Variants in CSGALNACT1 observed in about 807,000 individuals in gnomAD.
The protein encoded by CSGALNACT1 is beta4GalNAcT-1.
Under a neutral mutation model 51.0 loss-of-function variants are expected in CSGALNACT1, and 52 were observed. The observed-to-expected ratio is 1.02, with a 90% confidence interval of 0.82 to 1.29. The LOEUF is 1.29. Ranked by LOEUF, CSGALNACT1 falls within the 50% of genes most tolerant of loss-of-function variation. CSGALNACT1 has a pLI of 0.00. For missense variants in CSGALNACT1, 935 were observed against 679.2 expected (o/e 1.38, Z -4.19); for synonymous variants, 341 against 254.4 (o/e 1.34, Z -3.24).
intron 3 of CSGALNACT1, among the ~76,000 whole-genome samples, chr8:19,548,084 T>C (rs1179550101): frequency 3.3e-5 from 5 of 152,226 alleles, no homozygotes; most frequent in East Asian, 1.9e-4. Context: ...TAGACTATTA[T>C]TGGATTAAGT....
intron 3 of CSGALNACT1, among the ~76,000 whole-genome samples, chr8:19,544,997 T>A (rs1480109486): frequency 6.8e-6 from 1 of 147,556 alleles, no homozygotes; most frequent in African/African-American, 2.5e-5. Flanking sequence ...GTCCATCCTT[T>A]CAGACATTTT....
Position 19,660,031 on chromosome 8 carries a change from C to G in CSGALNACT1, c.-544+22442G>C, listed in dbSNP as rs79633327. 3.3e-3 allele frequency among the ~76,000 whole-genome samples: 509 copies of G among 152,344 alleles called. 6 individuals carry two copies. Among genetic ancestry groups the G allele is most frequent in the Middle Eastern group, 0.014 (4 of 294 alleles). On this transcript the variant is annotated intron_variant, in intron 1 of 9. Transcript: ENST00000332246. ...AAGGTAGTACTATTATTGTCCCAGT[C>G]TTATAGATGGGGAAACTGACGCACG...
intron 3 of CSGALNACT1, among the ~76,000 whole-genome samples, chr8:19,542,500 C>A (rs1317111009): frequency 6.6e-6 from 1 of 152,166 alleles, no homozygotes; most frequent in Non-Finnish European, 1.5e-5. Flanking sequence ...CTTTCCTGCA[C>A]AAGCGCCTGC....
intron 6 of CSGALNACT1, among the ~76,000 whole-genome samples, chr8:19,428,120 G>C (rs1173918997): frequency 6.6e-6 from 1 of 152,144 alleles, no homozygotes; most frequent in African/African-American, 2.4e-5. Context: ...GCTCTGTAAA[G>C]TCTGGATGGA....
intron 1 of CSGALNACT1, among the ~76,000 whole-genome samples, chr8:19,740,882 G>T (rs1389747513): frequency 6.6e-6 from 1 of 152,104 alleles, no homozygotes. Flanking sequence ...AGTTAAAATG[G>T]ATGCACATGT....
intron 3 of CSGALNACT1, among the ~76,000 whole-genome samples, chr8:19,574,786 C>A: frequency 6.6e-6 from 1 of 152,106 alleles, no homozygotes; most frequent in African/African-American, 2.4e-5. Flanking sequence ...AATCCCAACA[C>A]TTTGGGAGGC....
intron 1 of CSGALNACT1, among the ~76,000 whole-genome samples, chr8:19,723,207 C>T (rs1459938836): frequency 6.6e-6 from 1 of 152,196 alleles, no homozygotes; most frequent in Non-Finnish European, 1.5e-5. Context: ...TCTTATTTCC[C>T]TTATTTTCAA....
chr8:19,748,736 G>T (rs574968317), intron 1 of CSGALNACT1, among the ~76,000 whole-genome samples: 2 of 152,148 alleles, frequency 1.3e-5, no homozygotes, highest in Non-Finnish European at 2.9e-5. Flanking sequence ...AGATCAAGGA[G>T]GGTGGATCAC....
intron 3 of CSGALNACT1, among the ~76,000 whole-genome samples, chr8:19,522,546 T>G (rs2080933672): frequency 1.3e-5 from 2 of 152,204 alleles, no homozygotes; most frequent in South Asian, 4.1e-4. Context: ...CCCAGTGTCC[T>G]GGCACAGTGG....
intron 1 of CSGALNACT1, among the ~76,000 whole-genome samples, chr8:19,663,576 C>T (rs955037496): frequency 6.6e-6 from 1 of 152,160 alleles, no homozygotes; most frequent in African/African-American, 2.4e-5. Flanking sequence ...GAGCTGACAG[C>T]CTGGGTACAG....
At chr8:19,700,171 G>T (rs1191493831) in intron 1 of CSGALNACT1, among the ~76,000 whole-genome samples, 5 of 148,656 alleles carry the variant, frequency 3.4e-5, no homozygotes, top group East Asian at 2.0e-4. Context: ...TTTAAAATAA[G>T]AAATAAGGCA....
intron 4 of CSGALNACT1, among the ~76,000 whole-genome samples, chr8:19,503,334 A>G (rs1371635330): frequency 1.3e-5 from 2 of 152,210 alleles, no homozygotes; most frequent in Non-Finnish European, 1.5e-5. Context: ...CAAGCCTCAG[A>G]GCAAATATAC....
intron 1 of CSGALNACT1, among the ~76,000 whole-genome samples, chr8:19,704,956 T>A (rs969769402): frequency 1.3e-5 from 2 of 152,138 alleles, no homozygotes; most frequent in Non-Finnish European, 2.9e-5. Flanking sequence ...ATGGGGAGAT[T>A]TTGCTTAAAT....
chr8:19,574,416 C>G (rs1364527808), intron 3 of CSGALNACT1, among the ~76,000 whole-genome samples: 1 of 152,218 alleles, frequency 6.6e-6, no homozygotes, highest in South Asian at 2.1e-4. Context: ...TTCCTCCATG[C>G]AGCCCAGTTT....
intron 5 of CSGALNACT1, among the ~76,000 whole-genome samples, chr8:19,453,969 A>G (rs2063633019): frequency 6.6e-6 from 1 of 152,096 alleles, no homozygotes; most frequent in Admixed American, 6.5e-5. Flanking sequence ...CTGAGATGAG[A>G]CATATCCTGA....
In CSGALNACT1 at chr8:19,458,393, C is replaced by A. The variant is rs142074249; in HGVS notation, c.851+33G>T. ...TATCAGTGTTCTAACACACATCATGCGGAGGAAGATAAACACGTGCGAACA... is the reference window on the plus strand; with the variant it reads ...TATCAGTGTTCTAACACACATCATGAGGAGGAAGATAAACACGTGCGAACA... On this transcript the variant is annotated intron_variant, in intron 5 of 9. Coordinates refer to ENST00000454498, the Ensembl canonical transcript of CSGALNACT1. 9.2e-4 allele frequency: 1,387 copies of A among 1,515,320 alleles called. 4 individuals are homozygous for A. The Middle Eastern group carries it at 0.015, about 16-fold the overall frequency. The allele number at this position is 1,515,320 out of a possible 1,614,324, so 93.9% of individuals were successfully genotyped here. A position where few individuals can be genotyped will look rare whatever the true frequency, so the allele number is the denominator to read the frequency against.
intron 1 of CSGALNACT1, among the ~76,000 whole-genome samples, chr8:19,710,569 T>C (rs2062443836): frequency 1.3e-5 from 2 of 152,188 alleles, no homozygotes; most frequent in African/African-American, 4.8e-5. Flanking sequence ...CAGGGCACAA[T>C]GTTAATATGT....
intron 5 of CSGALNACT1, among the ~76,000 whole-genome samples, chr8:19,440,414 T>C (rs1162477828): frequency 2.0e-5 from 3 of 151,856 alleles, no homozygotes; most frequent in Non-Finnish European, 4.4e-5. Context: ...TGGTTCAATA[T>C]ATGCAAATCA....
At position 19,477,421 on chromosome 8, in the gene CSGALNACT1, C is replaced by A. The variant is rs536023925; in HGVS notation, c.635-18779G>T. Among the ~76,000 whole-genome samples the A allele has an allele frequency of 3.9e-5, 6 of 152,140 alleles. No homozygotes were observed. The East Asian group carries it at 5.8e-4, about 15-fold the overall frequency. On this transcript the variant is annotated intron_variant, in intron 4 of 9. Transcript: ENST00000454498. Reference sequence around the variant, plus strand: ...AATTCAGCCTAGAAAACTTTTCCAGCGGACGATAGCACACTCTTACTTTGG... The same window carrying A: ...AATTCAGCCTAGAAAACTTTTCCAGAGGACGATAGCACACTCTTACTTTGG...
Sources: allele counts gnomAD v4.1 joint callset (sites outside exome capture counted in the v4.1 genomes callset), GRCh38; gene constraint gnomAD v4.1.1; transcripts MANE v1.5; gene names NCBI Gene and HGNC (gene_info 2026-07-23, HGNC 2026-07-21).